The following RAB38 variants were observed in gnomAD, a reference collection of about 807,000 sequenced individuals.
RAB38 encodes ras-related protein Rab-38.
RAB38 carries 15 observed loss-of-function variants against 18.4 expected under a neutral mutation model. The ratio of observed to expected loss-of-function variants is 0.82; its 90% CI spans 0.55 to 1.26. RAB38 has a LOEUF of 1.26. RAB38 is among the 50% of genes most tolerant of loss of function. The pLI, the probability that RAB38 is intolerant of heterozygous loss-of-function variation, is 0.00. For missense variants in RAB38, 294 were observed against 267.4 expected (o/e 1.10, Z -0.69); for synonymous variants, 101 against 104.4 (o/e 0.97, Z 0.20).
At chr11:88,104,444 T>C in the RAB38 span, among the ~76,000 whole-genome samples, 1 of 152,118 alleles carries the variant, frequency 6.6e-6, no homozygotes, top group Non-Finnish European at 1.5e-5. Flanking sequence ...AATGTGTCAT[T>C]TGAGTCATGG....
At chr11:88,111,234 C>A (rs924507265), downstream of RAB38, among the ~76,000 whole-genome samples, 1 of 152,082 alleles carries the variant, frequency 6.6e-6, no homozygotes, top group Non-Finnish European at 1.5e-5. Context: ...GCTGCAACTG[C>A]CCTTTCAGAT....
At chr11:88,089,114 C>A in the RAB38 span, among the ~76,000 whole-genome samples, 1 of 151,902 alleles carries the variant, frequency 6.6e-6, no homozygotes. Context: ...GATAATTTAA[C>A]AAATAAATAC....
the RAB38 span, among the ~76,000 whole-genome samples, chr11:88,093,343 A>C: frequency 2.0e-5 from 3 of 151,922 alleles, no homozygotes; most frequent in East Asian, 5.8e-4. Context: ...AATGTAGATT[A>C]ATGCTTGCCA....
At chr11:87,934,674 T>A in the RAB38 span, among the ~76,000 whole-genome samples, 1 of 152,112 alleles carries the variant, frequency 6.6e-6, no homozygotes, top group African/African-American at 2.4e-5. Flanking sequence ...CTTGTCTCCA[T>A]CTGTGCTTAT....
the RAB38 span, among the ~76,000 whole-genome samples, chr11:87,900,979 T>C: frequency 6.6e-6 from 1 of 151,636 alleles, no homozygotes; most frequent in Non-Finnish European, 1.5e-5. Flanking sequence ...CTTTCAGCTA[T>C]GCTCTCTGGA....
the RAB38 span, among the ~76,000 whole-genome samples, chr11:87,878,744 T>G: frequency 6.6e-6 from 1 of 151,722 alleles, no homozygotes; most frequent in Non-Finnish European, 1.5e-5. Context: ...GTGTGCCACT[T>G]ACATCTGCAA....
the RAB38 span, among the ~76,000 whole-genome samples, chr11:87,955,289 CAAGT>C: frequency 6.6e-6 from 1 of 152,162 alleles, no homozygotes; most frequent in Non-Finnish European, 1.5e-5. Context: ...TCTCTAGTCT[CAAGT>C]GAGAATATTT....
the RAB38 span, among the ~76,000 whole-genome samples, chr11:87,899,642 T>G: frequency 6.6e-6 from 1 of 151,562 alleles, no homozygotes; most frequent in Non-Finnish European, 1.5e-5. Flanking sequence ...GTCCTAAAGA[T>G]AGAAATATGA....
At position 88,146,820 on chromosome 11, in the gene RAB38, A is replaced by G. The variant is rs575257309; in HGVS notation, c.483+2855T>C. 1.5e-3 allele frequency among the ~76,000 whole-genome samples: 231 copies of G among 152,286 alleles called. 2 individuals carry two copies. The highest frequency in any genetic ancestry group is 5.3e-3 in the African/African-American group (222 of 41,558). On this transcript the variant is annotated intron_variant, in intron 2 of 2. Coordinates refer to ENST00000243662, the MANE Select transcript of RAB38 (RefSeq NM_022337.3). ...TTGAACGTGCCTTCTGTATTTTACA[A>G]TAAGGCCTTGTACTCTCTTGATTAT...
At chr11:88,088,827 C>A in the RAB38 span, among the ~76,000 whole-genome samples, 14 of 151,712 alleles carry the variant, frequency 9.2e-5, no homozygotes, top group Non-Finnish European at 1.5e-4. Flanking sequence ...TCAAGAAAAA[C>A]CAAAACCATA....
chr11:87,945,889 T>G, the RAB38 span, among the ~76,000 whole-genome samples: 2 of 152,172 alleles, frequency 1.3e-5, no homozygotes, highest in Non-Finnish European at 2.9e-5. Context: ...TGGAAATCTT[T>G]GATGTGGCAG....
At chr11:87,830,065 T>C in the RAB38 span, among the ~76,000 whole-genome samples, 1 of 152,190 alleles carries the variant, frequency 6.6e-6, no homozygotes, top group Non-Finnish European at 1.5e-5. Flanking sequence ...CTCTACCAGA[T>C]TAGCCATCTA....
chr11:87,900,709 A>AAG, the RAB38 span, among the ~76,000 whole-genome samples: 2 of 149,946 alleles, frequency 1.3e-5, no homozygotes, highest in African/African-American at 4.9e-5. Context: ...GGAAGGAAAA[A>AAG]GGAAGAGAGG....
chr11:88,074,456 A>G, the RAB38 span, among the ~76,000 whole-genome samples: 1 of 152,156 alleles, frequency 6.6e-6, no homozygotes, highest in East Asian at 1.9e-4. Flanking sequence ...TTTCTTTCTG[A>G]TCTAAAATAA....
At chr11:87,886,903 T>G in the RAB38 span, among the ~76,000 whole-genome samples, 1 of 151,828 alleles carries the variant, frequency 6.6e-6, no homozygotes, top group African/African-American at 2.4e-5. Context: ...GGATATATAT[T>G]GCATCAATGA....
At chr11:87,921,408 A>G in the RAB38 span, among the ~76,000 whole-genome samples, 3 of 151,836 alleles carry the variant, frequency 2.0e-5, no homozygotes, top group South Asian at 2.1e-4. Flanking sequence ...GTAGGCTTAT[A>G]TGAGTGTTCT....
chr11:88,024,959 C>T, the RAB38 span, among the ~76,000 whole-genome samples: 3 of 151,862 alleles, frequency 2.0e-5, no homozygotes, highest in Non-Finnish European at 2.9e-5. Context: ...GACAGCACAA[C>T]GGAGAGACTA....
At chr11:87,963,110 A>C in the RAB38 span, among the ~76,000 whole-genome samples, 1 of 152,208 alleles carries the variant, frequency 6.6e-6, no homozygotes, top group African/African-American at 2.4e-5. Flanking sequence ...AGTTGCATTA[A>C]ACATCCTGGG....
the RAB38 span, among the ~76,000 whole-genome samples, chr11:87,976,606 C>CTT: frequency 1.8e-4 from 6 of 33,206 alleles, no homozygotes; most frequent in East Asian, 8.6e-3. Context: ...TCTATAAATA[C>CTT]ATATTTTACA....
Sources: gnomAD v4.1 joint callset for allele counts (sites outside exome capture counted in the v4.1 genomes callset) on GRCh38, gnomAD v4.1.1 for gene constraint, MANE v1.5 for transcripts, NCBI Gene and HGNC (gene_info 2026-07-23, HGNC 2026-07-21) for gene names.